MRE11: variants seen among roughly 807,000 people sequenced by gnomAD.
The protein encoded by MRE11 is double-strand break repair protein MRE11.
MRE11 carries 62 observed loss-of-function variants against 91.7 expected under a neutral mutation model. The observed-to-expected ratio is 0.68, with a 90% CI of 0.55 to 0.84. The LOEUF (loss-of-function observed/expected upper bound fraction) is 0.84, where lower values mean the gene tolerates loss of function less well. Among genes scored for constraint, MRE11 ranks in the 40% least tolerant of loss-of-function variants. The pLI, the probability that MRE11 is intolerant of heterozygous loss-of-function variation, is 0.00. For missense variants in MRE11, 796 were observed against 852.9 expected (o/e 0.93, Z 0.83); for synonymous variants, 273 against 271.4 (o/e 1.01, Z -0.06).
intron 14 of MRE11, among the ~76,000 whole-genome samples, chr11:94,453,376 AACT>A (rs2134952993): frequency 6.6e-6 from 1 of 152,316 alleles, no homozygotes; most frequent in Non-Finnish European, 1.5e-5. Flanking sequence ...TTCTATGTTT[AACT>A]ACTTTAGGAA....
the MRE11 span, among the ~76,000 whole-genome samples, chr11:94,500,031 A>T: frequency 2.6e-5 from 4 of 152,118 alleles, no homozygotes; most frequent in Non-Finnish European, 4.4e-5. Context: ...CTTCCTAGGG[A>T]GATGCTTTGT....
rs1423143143 is a variant in MRE11, at chr11:94,467,824, C to T, written c.1087G>A (p.Val363Ile). ...GNSHQPEKPL[V>I]RLRVDYSGGF... ...TAAATAGGACTTACTCGCAGTCGTA[C>T]AAGAGGCTTCTCTGGCTGGTGAGAA... The change falls in exon 10 of 20, where the codon GTA (valine) becomes ATA (isoleucine). Residue 363 changes from valine to isoleucine, a missense_variant. By Grantham distance (29) the Val-to-Ile change is conservative. Coordinates refer to ENST00000323929, the MANE Select transcript of MRE11 (RefSeq NM_005591.4). 4 of 1,612,874 alleles carry T rather than the reference C, an allele frequency of 2.5e-6. No individual in the cohort carries two copies. The South Asian group carries it at 3.3e-5, about 13-fold the overall frequency.
chr11:94,492,768 A>G lies in MRE11; in HGVS notation c.20+14T>C. 6.2e-7 allele frequency: 1 copy of G among 1,614,028 alleles called. No individual in the cohort carries two copies. On this transcript the variant is annotated intron_variant, in intron 2 of 19. Transcript: ENST00000323929. Reference sequence around the variant, plus strand: ...ACCCCAAATAACAAGGGATTCCAGAAGTCAGGTGCTTACAGTGCATCTGCA... The same window carrying G: ...ACCCCAAATAACAAGGGATTCCAGAGGTCAGGTGCTTACAGTGCATCTGCA...
At chr11:94,461,341 T>C (rs1193550651) in intron 11 of MRE11, among the ~76,000 whole-genome samples, 3 of 152,236 alleles carry the variant, frequency 2.0e-5, no homozygotes, top group Non-Finnish European at 4.4e-5. Flanking sequence ...AATACTTTCA[T>C]AATAATCCTA....
chr11:94,470,736 T>C (rs1377221788), intron 8 of MRE11, 94 bp from the exon 9 acceptor site: 3 of 1,266,490 alleles, frequency 2.4e-6, no homozygotes, highest in Non-Finnish European at 3.4e-6. Flanking sequence ...TTTCTAAAAA[T>C]GCTTCTTTAT....
At chr11:94,458,778 A>C (rs1946333085) in intron 13 of MRE11, among the ~76,000 whole-genome samples, 1 of 152,156 alleles carries the variant, frequency 6.6e-6, no homozygotes, top group Non-Finnish European at 1.5e-5. Flanking sequence ...TAGGCTAAAC[A>C]CCATTTTCAT....
At chr11:94,461,963 G>C (rs1200090451) in intron 11 of MRE11, among the ~76,000 whole-genome samples, 1 of 152,018 alleles carries the variant, frequency 6.6e-6, no homozygotes, top group African/African-American at 2.4e-5. Flanking sequence ...TAGTCCCAGC[G>C]ACTCGGGAGG....
rs587782089 is a variant in MRE11 at position 94,461,033 on chromosome 11, TCTC to T, written c.1226_1228del (p.Gly409del). ...GATAAGTTTCCCAAAGTTGATCTCT[TCTC>T]CTAGAAAAAAAGAAGTATATCAAAA... On this transcript the variant is annotated inframe_deletion and splice_region_variant, in exon 12 of 20. Transcript: ENST00000323929. The T allele has an allele frequency of 3.7e-6, 6 of 1,611,256 alleles. No homozygotes were observed. Among genetic ancestry groups the T allele is most frequent in the East Asian group, 4.5e-5 (2 of 44,824 alleles).
chr11:94,476,908 T>C (rs1243379712), intron 6 of MRE11, among the ~76,000 whole-genome samples: 1 of 151,924 alleles, frequency 6.6e-6, no homozygotes, highest in African/African-American at 2.4e-5. Flanking sequence ...TTAGTAGAGA[T>C]GGGGTTTTGC....
At chr11:94,436,705 G>C (rs1280770907) in intron 17 of MRE11, among the ~76,000 whole-genome samples, 1 of 152,208 alleles carries the variant, frequency 6.6e-6, no homozygotes, top group African/African-American at 2.4e-5. Context: ...GGAATCGAAA[G>C]GAAGAGCAGA....
At position 94,435,890 on chromosome 11, in the gene MRE11, C is replaced by T. The variant is rs531090481; in HGVS notation, c.1936G>A (p.Val646Ile). Residue 646 changes from valine to isoleucine, a missense_variant, in exon 18 of 20, where the codon GTA (valine) becomes ATA (isoleucine). Coordinates refer to ENST00000323929, the MANE Select transcript of MRE11 (RefSeq NM_005591.4). ...TCTTCTTCCACATCTGATTCATCTA[C>T]CTCAATCACCTGGCAAGGAAACAAA... ...TTKNYSEVIE[V>I]DESDVEEDIF... 14 of 1,613,662 alleles carry T rather than the reference C, an allele frequency of 8.7e-6. 1 individual carries two copies. Among genetic ancestry groups the T allele is most frequent in the African/African-American group, 2.7e-5 (2 of 75,024 alleles).
the MRE11 span, among the ~76,000 whole-genome samples, chr11:94,500,687 G>A: frequency 6.6e-6 from 1 of 152,160 alleles, no homozygotes; most frequent in African/African-American, 2.4e-5. Context: ...GGCCTAAAGT[G>A]GAACTAGTTG....
intron 17 of MRE11, among the ~76,000 whole-genome samples, chr11:94,436,947 T>C (rs889797043): frequency 6.6e-6 from 1 of 152,076 alleles, no homozygotes; most frequent in Admixed American, 6.6e-5. Context: ...AACATTACTG[T>C]ATACATAACA....
At chr11:94,437,073 C>T (rs1945637809) in intron 17 of MRE11, 104 bp downstream of exon 17, 2 of 1,008,732 alleles carry the variant, frequency 2.0e-6, no homozygotes, top group South Asian at 1.6e-5. Flanking sequence ...TTTAATGTTC[C>T]ATAATTTTTC....
rs530947704 is a variant in MRE11, at chr11:94,448,153, A to G, written c.1564-715T>C. On this transcript the variant is annotated intron_variant, in intron 14 of 19. Transcript: ENST00000323929. ...CAAAAAATAGCCGTTATCTCTGGGC[A>G]CTAATATTTTAGGGTGCTTTTGTTT... Among the ~76,000 whole-genome samples, 19 of 152,316 alleles carry G rather than the reference A, an allele frequency of 1.2e-4. No homozygotes were observed. The South Asian group carries it at 3.9e-3, about 32-fold the overall frequency.
At chr11:94,492,326 G>A (rs902220513) in intron 2 of MRE11, among the ~76,000 whole-genome samples, 2 of 152,118 alleles carry the variant, frequency 1.3e-5, no homozygotes, top group Non-Finnish European at 2.9e-5. Flanking sequence ...GACCTCAGAT[G>A]ATCCCGCTAG....
chr11:94,445,260 C>A (rs1237599186), intron 16 of MRE11, among the ~76,000 whole-genome samples: 1 of 152,200 alleles, frequency 6.6e-6, no homozygotes, highest in African/African-American at 2.4e-5. Context: ...CTCTGCCAAA[C>A]AGAAACAGCA....
chr11:94,419,532 T>G lies in MRE11; in HGVS notation c.*593A>C, dbSNP rs909793927. 7 of 229,052 alleles carry G rather than the reference T, an allele frequency of 3.1e-5. No homozygotes were observed. Among genetic ancestry groups the G allele is most frequent in the Non-Finnish European group, 4.3e-5 (5 of 116,760 alleles). The allele number at this position is 229,052 out of a possible 1,614,324, so 14.2% of individuals were successfully genotyped here. ...GATACAGAATAATAAAGGAAATTAC[T>G]ACCACTTAATGGGAACACAATCTTT... On this transcript the variant is annotated 3_prime_UTR_variant, in exon 20 of 20. Coordinates refer to ENST00000323929, the MANE Select transcript of MRE11 (RefSeq NM_005591.4).
chr11:94,457,868 C>G (rs912819497), intron 13 of MRE11, among the ~76,000 whole-genome samples: 1 of 97,574 alleles, frequency 1.0e-5, no homozygotes, highest in Admixed American at 1.1e-4. Flanking sequence ...CTCTTTCTCT[C>G]TCTCCCTCTC....
Sources: gnomAD v4.1 joint callset for allele counts (sites outside exome capture counted in the v4.1 genomes callset) on GRCh38, gnomAD v4.1.1 for gene constraint, MANE v1.5 for transcripts, NCBI Gene and HGNC (gene_info 2026-07-23, HGNC 2026-07-21) for gene names.